SYNE1: variants seen among roughly 807,000 people sequenced by gnomAD.
SYNE1 encodes the protein nesprin-1.
SYNE1 carries 616 observed loss-of-function variants against 1,111.0 expected under a neutral mutation model. The ratio of observed to expected loss-of-function variants is 0.55; its 90% CI spans 0.52 to 0.59. SYNE1 has a LOEUF of 0.59. SYNE1 is among the 20% of genes least tolerant of loss of function. SYNE1 has a pLI of 0.00. For missense variants in SYNE1, 10,006 were observed against 10,417.0 expected, an observed-to-expected ratio of 0.96 and a Z score of 1.72; for synonymous variants, 3,855 against 3,825.8, an observed-to-expected ratio of 1.01 and a Z score of -0.28.
intron 3 of SYNE1, among the ~76,000 whole-genome samples, chr6:152,605,023 AGAGAGAGAGAGAGGGAGG>A (rs1248159559): frequency 2.0e-4 from 14 of 69,952 alleles, no homozygotes; most frequent in African/African-American, 9.2e-4. Context: ...AGAGAGAGAG[AGAGAGAGAGAGAGGGAGG>A]GAGGGAGGGA....
At chr6:152,234,858 C>T (rs183795188) in intron 110 of SYNE1, 58 bp from the exon 111 acceptor site, 2 of 1,586,160 alleles carry the variant, frequency 1.3e-6, no homozygotes, top group East Asian at 2.2e-5. Flanking sequence ...CTTCTACTCA[C>T]CTACGTTACT....
chr6:152,281,248 A>G (rs1295766385), intron 97 of SYNE1, among the ~76,000 whole-genome samples: 1 of 152,220 alleles, frequency 6.6e-6, no homozygotes, highest in Non-Finnish European at 1.5e-5. Context: ...GAGGTAAGAA[A>G]ATAGCATTAG....
At chr6:152,297,778 ACT>A (rs1366892670) in intron 93 of SYNE1, among the ~76,000 whole-genome samples, 4 of 109,776 alleles carry the variant, frequency 3.6e-5, no homozygotes, top group Non-Finnish European at 3.7e-5. Flanking sequence ...TGGCAGTCTC[ACT>A]CTGTGTGTGT....
intron 34 of SYNE1, chr6:152,433,501 T>C (rs1209258584): frequency 2.4e-6 from 1 of 414,630 alleles, no homozygotes; most frequent in Non-Finnish European, 4.4e-6. Flanking sequence ...TCTATTGAGG[T>C]TAATTCAAAA....
intron 101 of SYNE1, among the ~76,000 whole-genome samples, chr6:152,257,137 T>C (rs902177851): frequency 9.2e-5 from 14 of 152,234 alleles, no homozygotes; most frequent in Admixed American, 9.2e-4. Flanking sequence ...ATGTTTGAGA[T>C]GATGAGTCTG....
intron 74 of SYNE1, among the ~76,000 whole-genome samples, chr6:152,343,464 CTCTT>C (rs1262022514): frequency 2.9e-4 from 43 of 147,614 alleles, no homozygotes; most frequent in East Asian, 1.6e-3. Context: ...CGGCCCCATT[CTCTT>C]TCTTTTTTTT....
intron 138 of SYNE1, 147 bp downstream of exon 138, chr6:152,143,476 G>T: frequency 8.6e-7 from 1 of 1,160,940 alleles, no homozygotes; most frequent in Non-Finnish European, 1.3e-6. Flanking sequence ...TAATAACAGG[G>T]CTTGGCTTTG....
At chr6:152,256,850 G>A in intron 101 of SYNE1, 85 bp from the exon 102 acceptor site, 2 of 1,577,344 alleles carry the variant, frequency 1.3e-6, no homozygotes, top group Admixed American at 3.4e-5. Flanking sequence ...TGAAATAGAT[G>A]CTGAAAACAC....
At chr6:152,424,197 A>C (rs1392404881) in intron 39 of SYNE1, among the ~76,000 whole-genome samples, 1 of 152,260 alleles carries the variant, frequency 6.6e-6, no homozygotes, top group Non-Finnish European at 1.5e-5. Flanking sequence ...ATCAGAATCC[A>C]AACATATTAA....
At chr6:152,324,764 G>A (rs546438357) in intron 81 of SYNE1, among the ~76,000 whole-genome samples, 18 of 152,318 alleles carry the variant, frequency 1.2e-4, no homozygotes, top group African/African-American at 2.9e-4. Flanking sequence ...TGGCGCCACT[G>A]CACTCCAGCC....
At chr6:152,520,947 A>G (rs542488921) in intron 5 of SYNE1, among the ~76,000 whole-genome samples, 150 of 152,308 alleles carry the variant, frequency 9.8e-4, no homozygotes, top group African/African-American at 3.4e-3. Context: ...AAACAAAGTC[A>G]GGACCCACAA....
In SYNE1 at chr6:152,148,080, T is replaced by C; in HGVS notation, c.24941A>G (p.Lys8314Arg). The C allele has an allele frequency of 6.2e-7, 1 of 1,614,188 alleles. No homozygotes were observed. The highest frequency in any genetic ancestry group is 8.5e-7 in the Non-Finnish European group (1 of 1,180,026). ...AACAGCTCCCCGGAGGTAGAAATCT[T>C]TGTCATCCTGACCTTCTTCATCCTC... is the stretch of plus-strand genomic sequence containing the variant. ...PSEDEEGQDD[K>R]DFYLRGAVGL... Residue 8314 changes from lysine to arginine, a missense_variant, in exon 137 of 146, where the codon AAA becomes AGA. This residue lies in a region of SYNE1 where 761 missense variants were observed against 795.5 expected (regional missense o/e 0.96). Coordinates refer to ENST00000367255, the MANE Select transcript of SYNE1 (RefSeq NM_182961.4). The surrounding 1 kb of genome is among the most constrained non-coding windows in gnomAD (Gnocchi z 4.1).
intron 3 of SYNE1, among the ~76,000 whole-genome samples, chr6:152,576,914 T>C (rs2099498840): frequency 1.3e-5 from 2 of 152,106 alleles, no homozygotes; most frequent in South Asian, 4.1e-4. Context: ...ATATGGAAAA[T>C]AGATTGGGGT....
chr6:152,232,794 T>C (rs912186468), intron 112 of SYNE1, among the ~76,000 whole-genome samples: 6 of 152,224 alleles, frequency 3.9e-5, no homozygotes, highest in African/African-American at 1.4e-4. Flanking sequence ...AAATCTTACT[T>C]AACATATCAC....
chr6:152,321,811 C>T lies in SYNE1; in HGVS notation c.15993G>A (p.Gln5331=). 1 of 1,614,010 alleles carries T rather than the reference C, an allele frequency of 6.2e-7. No individual in the cohort carries two copies. Among genetic ancestry groups the T allele is most frequent in the Non-Finnish European group, 8.5e-7 (1 of 1,179,970 alleles). Residue 5331 remains glutamine (Q), a synonymous_variant, in exon 83 of 146, where the codon CAG becomes CAA. Transcript: ENST00000367255. ...ELKDREMVET[Q]INSVKCWVQE... is the part of the protein sequence containing the mutation. ...GAACCCAACATTTCACAGAATTGAT[C>T]TGAGTCTCCACCATTTCTCGGTCCT...
intron 105 of SYNE1, among the ~76,000 whole-genome samples, chr6:152,246,688 T>C (rs2087266526): frequency 6.6e-6 from 1 of 152,076 alleles, no homozygotes; most frequent in African/African-American, 2.4e-5. Flanking sequence ...AACAGAAAGA[T>C]GAGAGCTGCC....
At chr6:152,407,855 G>A (rs2097925129) in intron 44 of SYNE1, among the ~76,000 whole-genome samples, 2 of 149,686 alleles carry the variant, frequency 1.3e-5, no homozygotes, top group African/African-American at 2.5e-5. Flanking sequence ...TCCGCCTCCC[G>A]GGTTCCAGCA....
intron 111 of SYNE1, among the ~76,000 whole-genome samples, 171 bp from the exon 112 acceptor site, chr6:152,234,134 C>T (rs2083429801): frequency 6.6e-6 from 1 of 152,186 alleles, no homozygotes; most frequent in African/African-American, 2.4e-5. Flanking sequence ...TGAAAGGAAA[C>T]TACGAAGCCC....
At chr6:152,373,258 T>C (rs2097219001) in intron 58 of SYNE1, 39 bp from the exon 59 acceptor site, 5 of 1,552,226 alleles carry the variant, frequency 3.2e-6, no homozygotes, top group Non-Finnish European at 3.5e-6. Context: ...AATGAAAATA[T>C]TGTGTGTTGT....
Sources: gnomAD v4.1 joint callset for allele counts (sites outside exome capture counted in the v4.1 genomes callset) on GRCh38, gnomAD v4.1.1 for gene constraint, gnomAD v4.1.1 regional missense constraint, Gnocchi (gnomAD v3.1) non-coding constraint, MANE v1.5 for transcripts, NCBI Gene and HGNC (gene_info 2026-07-23, HGNC 2026-07-21) for gene names.